Variants in RTL9 observed in about 807,000 individuals in gnomAD.
RTL9 encodes the protein retrotransposon Gag like 9.
In RTL9, 19 loss-of-function variants were observed where a neutral mutation model predicts 44.7. The ratio of observed to expected loss-of-function variants is 0.42; its 90% CI spans 0.30 to 0.62. The LOEUF (loss-of-function observed/expected upper bound fraction) is 0.62, where lower values mean the gene tolerates loss of function less well. Ranked by LOEUF, RTL9 falls within the 20% of genes least tolerant of loss-of-function variation. The pLI, the probability that RTL9 is intolerant of heterozygous loss-of-function variation, is 0.16. For missense variants in RTL9, 1,105 were observed against 1,080.6 expected, an observed-to-expected ratio of 1.02 and a Z score of -0.32; for synonymous variants, 407 against 398.9, an observed-to-expected ratio of 1.02 and a Z score of -0.24.
intron 1 of RTL9, among the ~76,000 whole-genome samples, chrX:110,406,375 C>T (rs377074480): frequency 3.6e-5 from 4 of 110,165 alleles, no homozygotes; most frequent in African/African-American, 1.0e-4. Flanking sequence ...TCTGATCTTG[C>T]GATAGTTTGC....
chrX:110,380,017 C>A (rs1033885845), intron 1 of RTL9, among the ~76,000 whole-genome samples: 5 of 111,811 alleles, frequency 4.5e-5, no homozygotes, highest in African/African-American at 1.6e-4. Context: ...ATCCCTCAGG[C>A]AATAAGTAGT....
chrX:110,454,322 C>T, exon 1 of RTL9: 2 of 1,211,897 alleles, frequency 1.7e-6, no homozygotes, highest in Non-Finnish European at 1.1e-6. Context: ...TAGACATCCT[C>T]AGTGCTGTTC....
intron 1 of RTL9, among the ~76,000 whole-genome samples, chrX:110,373,426 C>G (rs988606014): frequency 2.5e-4 from 28 of 111,896 alleles, no homozygotes; most frequent in African/African-American, 8.4e-4. Flanking sequence ...CAATGAAACT[C>G]TAGCAGAGGC....
intron 1 of RTL9, among the ~76,000 whole-genome samples, chrX:110,366,873 C>T (rs2068300502): frequency 8.9e-6 from 1 of 112,227 alleles, no homozygotes; most frequent in Non-Finnish European, 1.9e-5. Context: ...TTCATCCATT[C>T]ATTCTTGAAT....
intron 1 of RTL9, among the ~76,000 whole-genome samples, chrX:110,431,521 C>T (rs1016105849): frequency 9.2e-6 from 1 of 108,874 alleles, no homozygotes; most frequent in African/African-American, 3.3e-5. Flanking sequence ...AATTAGAAGC[C>T]CACATTAGGC....
At chrX:110,455,337 TCTC>T (rs1167369548) in exon 2 of RTL9, 1 of 1,203,944 alleles carries the variant, frequency 8.3e-7, no homozygotes, top group East Asian at 3.0e-5. Flanking sequence ...CATGGAATCT[TCTC>T]CTGTGATATC....
At chrX:110,436,254 G>A (rs988674625) in intron 1 of RTL9, among the ~76,000 whole-genome samples, 12 of 111,401 alleles carry the variant, frequency 1.1e-4, no homozygotes, top group Admixed American at 2.9e-4. Context: ...GAGTCAGGAT[G>A]TAGGCTGGGA....
upstream of RTL9, among the ~76,000 whole-genome samples, chrX:110,447,111 C>CTTTTTTTTTGTTTTTTTT (rs2068912466): frequency 2.7e-5 from 1 of 36,827 alleles, no homozygotes; most frequent in African/African-American, 1.6e-4. Flanking sequence ...TATTCTGTGA[C>CTTTTTTTTTGTTTTTTTT]TTTTTTTTTT....
intron 1 of RTL9, among the ~76,000 whole-genome samples, chrX:110,434,287 G>C (rs2148334130): frequency 9.0e-6 from 1 of 111,706 alleles, no homozygotes; most frequent in East Asian, 2.8e-4. Flanking sequence ...TTTGTTCTGT[G>C]AGCAAGAGGG....
chrX:110,417,148 A>G (rs1207561157), upstream of RTL9, among the ~76,000 whole-genome samples: 1 of 112,055 alleles, frequency 8.9e-6, no homozygotes, highest in Non-Finnish European at 1.9e-5. Context: ...ACCTAGTGCC[A>G]TCTATCCTTA....
chrX:110,442,192 T>C (rs896319288), intron 1 of RTL9, among the ~76,000 whole-genome samples: 6 of 108,780 alleles, frequency 5.5e-5, no homozygotes, highest in Non-Finnish European at 1.1e-4. Flanking sequence ...TGGCTGATTG[T>C]TGCTATATTG....
At chrX:110,364,325 T>C (rs375127272) in intron 1 of RTL9, among the ~76,000 whole-genome samples, 19 of 111,675 alleles carry the variant, frequency 1.7e-4, no homozygotes, top group African/African-American at 6.2e-4. Context: ...AGAGTCATAT[T>C]CTAAATAAGT....
intron 1 of RTL9, chrX:110,426,711 A>G (rs2068757083): frequency 8.9e-6 from 1 of 111,977 alleles, no homozygotes; most frequent in African/African-American, 3.3e-5. Flanking sequence ...GTGGGTGGCC[A>G]TCATGTCAGG....
chrX:110,426,303 T>G (rs997785300), intron 1 of RTL9, among the ~76,000 whole-genome samples: 2 of 111,790 alleles, frequency 1.8e-5, no homozygotes, highest in African/African-American at 6.5e-5. Context: ...GTCTCTATCT[T>G]GTCGAACCCT....
exon 1 of RTL9, chrX:110,452,198 A>G: frequency 1.7e-6 from 2 of 1,211,879 alleles, no homozygotes; most frequent in Non-Finnish European, 1.1e-6. Flanking sequence ...CCATGCCACA[A>G]TTGACAGTCC....
chrX:110,395,018 C>T (rs1204755457), intron 1 of RTL9, among the ~76,000 whole-genome samples: 2 of 112,714 alleles, frequency 1.8e-5, no homozygotes, highest in East Asian at 5.5e-4. Context: ...GGCCAAAGAA[C>T]CTGCTTAGCT....
chrX:110,380,833 T>A (rs2068413593), intron 1 of RTL9, among the ~76,000 whole-genome samples: 1 of 112,076 alleles, frequency 8.9e-6, no homozygotes, highest in Admixed American at 9.4e-5. Context: ...TGATAAAAAA[T>A]AAGCAACAGG....
chrX:110,444,984 TC>T (rs1216875189), intron 1 of RTL9, among the ~76,000 whole-genome samples, 168 bp from the exon 2 acceptor site: 77 of 112,756 alleles, frequency 6.8e-4, no homozygotes, highest in African/African-American at 2.3e-3. Flanking sequence ...GCAAGGCAGT[TC>T]CGTTTGCTCT....
At chrX:110,390,050 A>G (rs1327906813) in intron 1 of RTL9, among the ~76,000 whole-genome samples, 1 of 111,826 alleles carries the variant, frequency 8.9e-6, no homozygotes, top group Non-Finnish European at 1.9e-5. Flanking sequence ...CTTGAACAAG[A>G]TACAAACTTG....
Sources: allele counts gnomAD v4.1 joint callset (sites outside exome capture counted in the v4.1 genomes callset), GRCh38; gene constraint gnomAD v4.1.1; transcripts MANE v1.5; gene names NCBI Gene and HGNC (gene_info 2026-07-23, HGNC 2026-07-21).